The following DMXL1 variants were observed in gnomAD, a reference collection of about 807,000 sequenced individuals.
DMXL1 encodes the protein dmX-like protein 1.
DMXL1 carries 99 observed loss-of-function variants against 319.2 expected under a neutral mutation model. That is an observed-to-expected ratio of 0.31 (90% CI 0.26 to 0.37). The LOEUF is 0.37. Among genes scored for constraint, DMXL1 ranks in the 10% least tolerant of loss-of-function variants. The pLI is 1.00. For synonymous variants in DMXL1, 1,385 were observed against 1,235.2 expected (o/e 1.12, Z -2.54); for missense variants, 3,745 against 3,595.6 (o/e 1.04, Z -1.06).
Position 119,118,973 on chromosome 5 carries a change from C to G in DMXL1, c.902C>G (p.Ser301Cys), listed in dbSNP as rs376204152. Reference protein sequence around the residue: ...NLTNNFKRNASSKERVQNALE... With the variant: ...NLTNNFKRNACSKERVQNALE... ...ACAAATAACTTCAAGAGAAATGCTT[C>G]CAGTAAAGAACGAGTTCAAAATGCT... The change falls in exon 8 of 44, where the codon TCC becomes TGC. Residue 301 changes from serine to cysteine, a missense_variant. Physicochemically the swap from Ser to Cys is moderately radical, Grantham distance 112. Around this residue, in one of 4 missense-constraint regions of DMXL1, gnomAD observed 2,096 missense variants for 1,985.4 expected, o/e 1.06. Transcript: ENST00000539542. The G allele has an allele frequency of 6.8e-6, 11 of 1,612,398 alleles. No homozygotes were observed. The highest frequency in any genetic ancestry group is 1.1e-5 in the South Asian group (1 of 90,596).
intron 9 of DMXL1, among the ~76,000 whole-genome samples, chr5:119,122,711 C>A (rs374924158): frequency 6.6e-6 from 1 of 151,542 alleles, no homozygotes; most frequent in Admixed American, 6.6e-5. Flanking sequence ...GACGGGGCGG[C>A]GGGGCAGAGA....
intron 5 of DMXL1, among the ~76,000 whole-genome samples, chr5:119,112,172 A>G (rs1036498596): frequency 1.3e-5 from 2 of 152,116 alleles, no homozygotes; most frequent in Admixed American, 1.3e-4. Flanking sequence ...CATGTTAGCC[A>G]TGATGGTCTC....
At chr5:119,176,340 T>C (rs987456247) in intron 26 of DMXL1, among the ~76,000 whole-genome samples, 8 of 152,074 alleles carry the variant, frequency 5.3e-5, no homozygotes, top group African/African-American at 1.9e-4. Flanking sequence ...TTTGGTTGTC[T>C]GTCCAGTTTG....
rs141697606 is a variant in DMXL1, at chr5:119,231,183, G to A, written c.8339-2157G>A. ...TTTTGTGTAAATTAAAAACTTCCCT[G>A]TTGTGGCCACCATAATTCTAAATTG... is the stretch of plus-strand genomic sequence containing the variant. On this transcript the variant is annotated intron_variant, in intron 38 of 43. Transcript: ENST00000539542. Among the ~76,000 whole-genome samples, 52 of 152,174 alleles carry A rather than the reference G, an allele frequency of 3.4e-4. No individual in the cohort carries two copies. The East Asian group carries it at 9.8e-3, about 29-fold the overall frequency.
At chr5:119,081,427 C>A in intron 1 of DMXL1, 1 of 296,212 alleles carries the variant, frequency 3.4e-6, no homozygotes, top group Non-Finnish European at 5.0e-6. Flanking sequence ...TAGCTAAAAT[C>A]TTTACCTGAG....
chr5:119,151,391 T>A (rs1769760241), intron 18 of DMXL1, among the ~76,000 whole-genome samples: 1 of 152,192 alleles, frequency 6.6e-6, no homozygotes, highest in Non-Finnish European at 1.5e-5. Flanking sequence ...TAACAAAATT[T>A]AAATTTAAGA....
intron 9 of DMXL1, among the ~76,000 whole-genome samples, chr5:119,124,869 C>T (rs1422694871): frequency 3.3e-5 from 5 of 152,038 alleles, no homozygotes; most frequent in African/African-American, 9.7e-5. Flanking sequence ...ACCCAACCAA[C>T]ATTTTTCTTT....
chr5:119,173,785 T>TATATATATATAA (rs1775211490), intron 25 of DMXL1, among the ~76,000 whole-genome samples: 1 of 121,882 alleles, frequency 8.2e-6, no homozygotes, highest in Non-Finnish European at 1.7e-5. Flanking sequence ...TGTATATATA[T>TATATATATATAA]ATATATATAT....
chr5:119,233,278 G>T, intron 38 of DMXL1, 62 bp from the exon 39 acceptor site: 1 of 1,549,386 alleles, frequency 6.5e-7, no homozygotes, highest in South Asian at 1.2e-5. Flanking sequence ...ATAGGATAAA[G>T]AAATAACTTT....
intron 14 of DMXL1, among the ~76,000 whole-genome samples, 162 bp downstream of exon 14, chr5:119,144,092 A>G (rs978938142): frequency 3.3e-5 from 5 of 151,860 alleles, no homozygotes; most frequent in African/African-American, 7.2e-5. Context: ...TGTATATTTT[A>G]CTTCCTAGAC....
chr5:119,122,774 A>C lies in DMXL1; in HGVS notation c.1102+1635A>C, dbSNP rs182791590. The stretch of plus-strand genomic sequence containing the variant: ...GGCCGGGAAGAGGCGCTCCTCACTT[A>C]CTAGATGGGATGGCGGCCGGGCAGA... On this transcript the variant is annotated intron_variant, in intron 9 of 43. Transcript: ENST00000539542. Among the ~76,000 whole-genome samples the C allele has an allele frequency of 5.9e-3, 853 of 145,118 alleles. 10 individuals carry two copies. The highest frequency in any genetic ancestry group is 0.021 in the African/African-American group (819 of 38,674).
At chr5:119,201,037 T>C (rs1374998834) in intron 32 of DMXL1, among the ~76,000 whole-genome samples, 7 of 152,204 alleles carry the variant, frequency 4.6e-5, no homozygotes, top group African/African-American at 1.7e-4. Context: ...ACTTCCTCTC[T>C]TCCTATGTGG....
intron 1 of DMXL1, among the ~76,000 whole-genome samples, chr5:119,073,995 T>G (rs1455953732): frequency 6.6e-6 from 1 of 151,376 alleles, no homozygotes; most frequent in Admixed American, 6.6e-5. Context: ...CTTAGCTCAC[T>G]GCAACTTCCG....
chr5:119,092,761 C>T (rs1017645182), intron 1 of DMXL1, among the ~76,000 whole-genome samples: 2 of 152,210 alleles, frequency 1.3e-5, no homozygotes, highest in Non-Finnish European at 2.9e-5. Context: ...CTATTCTGGA[C>T]ATTTCATATA....
chr5:119,137,926 A>G (rs1305536809), intron 13 of DMXL1, among the ~76,000 whole-genome samples: 1 of 152,230 alleles, frequency 6.6e-6, no homozygotes. Flanking sequence ...ATAAAGTCGG[A>G]AAGTTAGCCT....
At chr5:119,107,769 G>A (rs1330788116) in intron 4 of DMXL1, among the ~76,000 whole-genome samples, 1 of 152,106 alleles carries the variant, frequency 6.6e-6, no homozygotes, top group African/African-American at 2.4e-5. Flanking sequence ...TAAATGGAAT[G>A]TTTCATTACT....
chr5:119,127,921 T>G, intron 9 of DMXL1: 1 of 371,534 alleles, frequency 2.7e-6, no homozygotes. Context: ...AGCAAAAGCT[T>G]CATAAACTTA....
At chr5:119,187,147 T>C (rs1461205975) in intron 28 of DMXL1, among the ~76,000 whole-genome samples, 1 of 152,196 alleles carries the variant, frequency 6.6e-6, no homozygotes, top group Admixed American at 6.5e-5. Flanking sequence ...GACATTATTC[T>C]GTTTTTCCTG....
chr5:119,224,621 TAAATG>T (rs1261077847), intron 37 of DMXL1, 83 bp from the exon 38 acceptor site: 6 of 491,528 alleles, frequency 1.2e-5, no homozygotes, highest in Non-Finnish European at 1.4e-5. Context: ...TAAAAATAAA[TAAATG>T]AATGTTATTT....
Sources: allele counts gnomAD v4.1 joint callset (sites outside exome capture counted in the v4.1 genomes callset), GRCh38; gene constraint gnomAD v4.1.1; regional missense constraint gnomAD v4.1.1; transcripts MANE v1.5; gene names NCBI Gene and HGNC (gene_info 2026-07-23, HGNC 2026-07-21).